The following TTBK2 variants were observed in gnomAD, a reference collection of about 807,000 sequenced individuals.
TTBK2 encodes the protein tau tubulin kinase 2.
TTBK2 carries 28 observed loss-of-function variants against 110.8 expected under a neutral mutation model. The observed-to-expected ratio is 0.25, with a 90% CI of 0.19 to 0.35. TTBK2 has a LOEUF of 0.35. TTBK2 is among the 10% of genes least tolerant of loss of function. The probability of loss-of-function intolerance (pLI) is 1.00; values close to 1 mark genes in which losing one functional copy is unlikely to be tolerated. For missense variants in TTBK2, 1,369 were observed against 1,500.3 expected (o/e 0.91, Z 1.45); for synonymous variants, 532 against 527.3 (o/e 1.01, Z -0.12).
intron 1 of TTBK2, among the ~76,000 whole-genome samples, chr15:42,903,132 G>A (rs1314510135): frequency 1.3e-5 from 2 of 152,036 alleles, no homozygotes; most frequent in African/African-American, 4.8e-5. Flanking sequence ...CTAAAATGCA[G>A]ATAAACCTTA....
intron 1 of TTBK2, among the ~76,000 whole-genome samples, chr15:42,901,267 C>T (rs1003481329): frequency 4.6e-5 from 7 of 151,660 alleles, no homozygotes; most frequent in Non-Finnish European, 5.9e-5. Context: ...AAGGCTGAGG[C>T]AGGAAAATTA....
chr15:42,777,333 A>C, intron 11 of TTBK2, 91 bp from the exon 12 acceptor site: 1 of 1,292,080 alleles, frequency 7.7e-7, no homozygotes, highest in South Asian at 1.3e-5. Flanking sequence ...ATATAAATAA[A>C]TGATTAGATG....
chr15:42,821,697 GTT>G lies in TTBK2; in HGVS notation c.538-4602_538-4601del, dbSNP rs34360812. 3.6e-3 allele frequency among the ~76,000 whole-genome samples: 495 copies of G among 137,314 alleles called. 3 individuals are homozygous for G. Among genetic ancestry groups the G allele is most frequent in the African/African-American group, 0.013 (471 of 36,968 alleles). 90.1% of individuals were successfully genotyped at this position (137,314 alleles called of 152,430 possible). On this transcript the variant is annotated intron_variant, in intron 6 of 14. Transcript: ENST00000267890. ...GGTTTTTGTTTTTTGTTTTTTTTTT[GTT>G]TTTTTTTTTGAGACAGAGTCTCACT...
intron 3 of TTBK2, among the ~76,000 whole-genome samples, chr15:42,846,089 A>AAT (rs1378403072): frequency 6.6e-6 from 1 of 152,078 alleles, no homozygotes; most frequent in African/African-American, 2.4e-5. Context: ...ATGCTATGCA[A>AAT]ATAGTTGCCA....
At chr15:42,887,860 C>A (rs1228502625) in intron 1 of TTBK2, among the ~76,000 whole-genome samples, 7 of 152,278 alleles carry the variant, frequency 4.6e-5, no homozygotes, top group African/African-American at 1.7e-4. Flanking sequence ...AGACAGCCTC[C>A]ATTACTTCAG....
At chr15:42,889,314 T>C (rs1237446047) in intron 1 of TTBK2, among the ~76,000 whole-genome samples, 1 of 152,196 alleles carries the variant, frequency 6.6e-6, no homozygotes, top group Non-Finnish European at 1.5e-5. Context: ...ACTGGATGGA[T>C]AGAGGCCTTT....
intron 10 of TTBK2, among the ~76,000 whole-genome samples, chr15:42,784,106 C>T (rs77847974): frequency 6.6e-6 from 1 of 151,196 alleles, no homozygotes; most frequent in African/African-American, 2.4e-5. Flanking sequence ...AAAAAAAAAA[C>T]TTAGGTCATG....
At chr15:42,757,750 C>T (rs1228835284) in intron 13 of TTBK2, among the ~76,000 whole-genome samples, 2 of 152,180 alleles carry the variant, frequency 1.3e-5, no homozygotes, top group Non-Finnish European at 2.9e-5. Flanking sequence ...CCATATGCAT[C>T]TTTTATATCT....
intron 4 of TTBK2, among the ~76,000 whole-genome samples, chr15:42,836,611 A>C (rs1892994985): frequency 1.3e-5 from 2 of 152,220 alleles, no homozygotes; most frequent in Non-Finnish European, 2.9e-5. Flanking sequence ...TCATTGCCTA[A>C]TATACACCAG....
intron 3 of TTBK2, among the ~76,000 whole-genome samples, chr15:42,867,906 T>TAAATGATAATG (rs1894444605): frequency 6.6e-6 from 1 of 152,040 alleles, no homozygotes; most frequent in Non-Finnish European, 1.5e-5. Context: ...CCTCAGTAGG[T>TAAATGATAATG]GAATGGATAA....
At chr15:42,901,602 GAGA>G (rs2030016160) in intron 1 of TTBK2, among the ~76,000 whole-genome samples, 1 of 146,300 alleles carries the variant, frequency 6.8e-6, no homozygotes, top group Non-Finnish European at 1.5e-5. Flanking sequence ...GCAAAATAGC[GAGA>G]CCTCGTCTCT....
chr15:42,755,936 C>T (rs2061939477), intron 13 of TTBK2, among the ~76,000 whole-genome samples: 1 of 152,202 alleles, frequency 6.6e-6, no homozygotes, highest in Non-Finnish European at 1.5e-5. Flanking sequence ...TGGCTCTTGC[C>T]TATAATCCCA....
At chr15:42,873,557 C>A (rs1175375586) in intron 2 of TTBK2, among the ~76,000 whole-genome samples, 1 of 152,084 alleles carries the variant, frequency 6.6e-6, no homozygotes, top group African/African-American at 2.4e-5. Context: ...CAAACTATCC[C>A]AGAATTCACT....
At chr15:42,775,818 T>A in intron 12 of TTBK2, 95 bp from the exon 13 acceptor site, 1 of 976,400 alleles carries the variant, frequency 1.0e-6, no homozygotes, top group South Asian at 1.8e-5. Flanking sequence ...GACACAAAGA[T>A]GAGAGAAAAA....
intron 10 of TTBK2, among the ~76,000 whole-genome samples, chr15:42,785,346 C>T (rs988230130): frequency 7.2e-5 from 11 of 152,116 alleles, no homozygotes; most frequent in Non-Finnish European, 1.2e-4. Context: ...GTCTCGAACT[C>T]CTGGCCCCAA....
intron 4 of TTBK2, among the ~76,000 whole-genome samples, chr15:42,832,624 C>A (rs1595961746): frequency 2.6e-5 from 4 of 152,276 alleles, no homozygotes; most frequent in Non-Finnish European, 5.9e-5. Context: ...CCACAGTCAA[C>A]CGTGGTCCGA....
intron 3 of TTBK2, among the ~76,000 whole-genome samples, chr15:42,841,458 G>A (rs1441007446): frequency 1.3e-5 from 2 of 152,014 alleles, no homozygotes; most frequent in African/African-American, 4.8e-5. Context: ...CGATCTGCCC[G>A]CCTCAGCCTC....
chr15:42,814,141 C>G (rs190627578), intron 7 of TTBK2, among the ~76,000 whole-genome samples: 144 of 152,108 alleles, frequency 9.5e-4, no homozygotes, highest in African/African-American at 3.4e-3. Flanking sequence ...CCTGCCTCAG[C>G]CTCCCGAGTA....
At chr15:42,842,461 G>A (rs1383650165) in intron 3 of TTBK2, among the ~76,000 whole-genome samples, 1 of 152,130 alleles carries the variant, frequency 6.6e-6, no homozygotes, top group African/African-American at 2.4e-5. Flanking sequence ...TATGAGGGCA[G>A]ACAGCCTTTG....
Sources: gnomAD v4.1 joint callset for allele counts (sites outside exome capture counted in the v4.1 genomes callset) on GRCh38, gnomAD v4.1.1 for gene constraint, MANE v1.5 for transcripts, NCBI Gene and HGNC (gene_info 2026-07-23, HGNC 2026-07-21) for gene names.